ERN1: variants seen among roughly 807,000 people sequenced by gnomAD.
ERN1 encodes the protein endoplasmic reticulum to nucleus signaling 1.
In ERN1, 39 loss-of-function variants were observed where a neutral mutation model predicts 113.1. The observed-to-expected ratio is 0.34, with a 90% CI of 0.27 to 0.45. The LOEUF is 0.45. ERN1 is among the 20% of genes least tolerant of loss of function. ERN1 has a pLI of 1.00. For missense variants in ERN1, 976 were observed against 1,274.8 expected, an observed-to-expected ratio of 0.77 and a Z score of 3.57; for synonymous variants, 507 against 515.9, an observed-to-expected ratio of 0.98 and a Z score of 0.23.
intron 1 of ERN1, chr17:64,102,946 G>A: frequency 1.0e-6 from 1 of 985,310 alleles, no homozygotes; most frequent in Non-Finnish European, 1.2e-6. Context: ...ATGGTGACTT[G>A]TAGGAAGTAA....
intron 1 of ERN1, among the ~76,000 whole-genome samples, chr17:64,122,422 T>C (rs1289641738): frequency 2.0e-5 from 3 of 152,190 alleles, no homozygotes; most frequent in Non-Finnish European, 4.4e-5. Context: ...CTCATTGGAC[T>C]ACATGGCCGA....
At chr17:64,065,826 T>C (rs1913205587) in intron 8 of ERN1, among the ~76,000 whole-genome samples, 1 of 152,170 alleles carries the variant, frequency 6.6e-6, no homozygotes, top group South Asian at 2.1e-4. Context: ...AGACTTCTGG[T>C]TCCCCAGCTG....
chr17:64,092,688 T>C (rs1487128970), intron 2 of ERN1, among the ~76,000 whole-genome samples: 1 of 152,188 alleles, frequency 6.6e-6, no homozygotes, highest in African/African-American at 2.4e-5. Flanking sequence ...AGGGTTGCTA[T>C]AGAATAACCT....
intron 4 of ERN1, among the ~76,000 whole-genome samples, chr17:64,077,444 C>T (rs1913627592): frequency 6.6e-6 from 1 of 151,666 alleles, no homozygotes; most frequent in African/African-American, 2.4e-5. Context: ...AGCCATAACT[C>T]TCCAGGGGTA....
chr17:64,129,907 G>A (rs1453663082), intron 1 of ERN1, 69 bp downstream of exon 1: 2 of 1,298,672 alleles, frequency 1.5e-6, no homozygotes, highest in Non-Finnish European at 2.0e-6. Flanking sequence ...CCCCGGCGCC[G>A]CGACGCTGCC....
intron 2 of ERN1, among the ~76,000 whole-genome samples, chr17:64,084,782 C>A (rs1913873751): frequency 6.6e-6 from 1 of 152,154 alleles, no homozygotes; most frequent in South Asian, 2.1e-4. Context: ...TTAACAATCT[C>A]CCACTATTTC....
intron 1 of ERN1, among the ~76,000 whole-genome samples, chr17:64,098,842 C>G (rs77611876): frequency 0.012 from 1,797 of 151,980 alleles, 66 homozygotes; most frequent in Admixed American, 0.086. Flanking sequence ...TAAAATGTAC[C>G]TTTTTTCTCA....
intron 1 of ERN1, among the ~76,000 whole-genome samples, chr17:64,114,616 G>A (rs930669003): frequency 6.6e-6 from 1 of 152,214 alleles, no homozygotes; most frequent in Non-Finnish European, 1.5e-5. Context: ...TGGGCCACAA[G>A]AGTCAGAATC....
chr17:64,116,479 A>G lies in ERN1; in HGVS notation c.54+13497T>C, dbSNP rs188335938. 1.2e-3 allele frequency among the ~76,000 whole-genome samples: 189 copies of G among 152,316 alleles called. 1 individual carries two copies. The highest frequency in any genetic ancestry group is 4.0e-3 in the African/African-American group (165 of 41,570). On this transcript the variant is annotated intron_variant, in intron 1 of 21. Transcript: ENST00000433197. Reference sequence around the variant, plus strand: ...TGGCAAGTGGAAAACGAACCCTAACAGAATTCTAGAATAAGGTCACTGGAT... The same window carrying G: ...TGGCAAGTGGAAAACGAACCCTAACGGAATTCTAGAATAAGGTCACTGGAT...
chr17:64,107,290 G>T (rs1175879867), intron 1 of ERN1, among the ~76,000 whole-genome samples: 1 of 152,130 alleles, frequency 6.6e-6, no homozygotes, highest in Non-Finnish European at 1.5e-5. Context: ...GTTAAGTAAA[G>T]ACTTAATTAA....
chr17:64,086,121 A>ACCT (rs2143425330), intron 2 of ERN1, among the ~76,000 whole-genome samples: 1 of 151,844 alleles, frequency 6.6e-6, no homozygotes, highest in East Asian at 1.9e-4. Flanking sequence ...AAACACAAAA[A>ACCT]CCTCTTGGCT....
rs767734865 is a variant in ERN1, at chr17:64,047,876, C to A, written c.2511G>T (p.Lys837Asn). Residue 837 changes from lysine to asparagine, a missense_variant, in exon 19 of 22, where the codon AAG becomes AAT. By Grantham distance (94) the Lys-to-Asn change is moderately conservative (BLOSUM62 0). This residue lies in a region of ERN1 where 297 missense variants were observed against 457.8 expected (regional missense o/e 0.65). Coordinates refer to ENST00000433197, the MANE Select transcript of ERN1 (RefSeq NM_001433.5). ...LKHPFFWSLE[K>N]QLQFFQDVSD... ...TCTCTACCTGGAAGAACTGGAGCTGCTTCTCTAGGCTCCAGAAGAACGGGT... is the reference window on the plus strand; with the variant it reads ...TCTCTACCTGGAAGAACTGGAGCTGATTCTCTAGGCTCCAGAAGAACGGGT... 2 of 1,611,140 alleles carry A rather than the reference C, an allele frequency of 1.2e-6. No homozygotes were observed. Among genetic ancestry groups the A allele is most frequent in the African/African-American group, 2.7e-5 (2 of 74,898 alleles).
Position 64,055,862 on chromosome 17 carries a change from C to G in ERN1, c.1485G>C (p.Gln495His). ...KIQLLQQQQQ[Q>H]LPFHPPGDTA... ...TGTCTCCAGGTGGGTGGAAGGGCAG[C>G]TGCTGCTGCTGCTGCTGCAGGAGCT... is the stretch of plus-strand genomic sequence containing the variant. The change falls in exon 13 of 22, where the codon CAG (glutamine) becomes CAC (histidine). Residue 495 changes from glutamine to histidine, a missense_variant. Around this residue, in one of 5 missense-constraint regions of ERN1, gnomAD observed 112 missense variants for 106.2 expected, o/e 1.05. Transcript: ENST00000433197. 1 of 1,527,838 alleles carries G rather than the reference C, an allele frequency of 6.5e-7. No homozygotes were observed. The highest frequency in any genetic ancestry group is 1.2e-5 in the South Asian group (1 of 81,978). 94.6% of individuals were successfully genotyped at this position (1,527,838 alleles called of 1,614,324 possible).
intron 1 of ERN1, among the ~76,000 whole-genome samples, chr17:64,119,738 C>A (rs918338772): frequency 1.3e-5 from 2 of 151,840 alleles, no homozygotes; most frequent in Non-Finnish European, 2.9e-5. Context: ...CACTAACTAG[C>A]GGACTCTATC....
chr17:64,063,408 G>A lies in ERN1; in HGVS notation c.1087+578C>T, dbSNP rs1053888443. ...GGACAGGGCCTCTAGTTCAATCCCT[G>A]GCCATTAGTGATGGCAGCAAAAACA... On this transcript the variant is annotated intron_variant, in intron 10 of 21. Coordinates refer to ENST00000433197, the MANE Select transcript of ERN1 (RefSeq NM_001433.5). This position sits in a 1 kb window ranked among gnomAD's most constrained non-coding sequence, Gnocchi z 5.1. Among the ~76,000 whole-genome samples the A allele has an allele frequency of 6.6e-6, 1 of 152,064 alleles. No homozygotes were observed. Among genetic ancestry groups the A allele is most frequent in the African/African-American group, 2.4e-5 (1 of 41,372 alleles).
intron 11 of ERN1, among the ~76,000 whole-genome samples, chr17:64,058,376 G>A (rs1467660802): frequency 6.6e-6 from 1 of 152,134 alleles, no homozygotes; most frequent in African/African-American, 2.4e-5. Context: ...TGAAAAATTG[G>A]TATTTGATTT....
At chr17:64,127,229 T>C (rs541335900) in intron 1 of ERN1, among the ~76,000 whole-genome samples, 1 of 152,100 alleles carries the variant, frequency 6.6e-6, no homozygotes, top group East Asian at 1.9e-4. Context: ...TGAAAGAAAA[T>C]CACAGTATTG....
chr17:64,055,601 T>C (rs1244564512), intron 13 of ERN1, 74 bp downstream of exon 13: 2 of 1,359,902 alleles, frequency 1.5e-6, no homozygotes, highest in African/African-American at 2.9e-5. Context: ...TACAATCTTA[T>C]GGAGACTCCT....
chr17:64,120,181 G>A (rs183429016), intron 1 of ERN1, among the ~76,000 whole-genome samples: 16 of 152,272 alleles, frequency 1.1e-4, no homozygotes, highest in Non-Finnish European at 1.5e-5. Context: ...ACTGAGTCAT[G>A]GCTGGGAAGC....
Sources: allele counts gnomAD v4.1 joint callset (sites outside exome capture counted in the v4.1 genomes callset), GRCh38; gene constraint gnomAD v4.1.1; regional missense constraint gnomAD v4.1.1; non-coding constraint Gnocchi (gnomAD v3.1); transcripts MANE v1.5; gene names NCBI Gene and HGNC (gene_info 2026-07-23, HGNC 2026-07-21).